PAX8: variants seen among roughly 807,000 people sequenced by gnomAD.
PAX8 encodes the protein paired box 8.
Under a neutral mutation model 52.4 loss-of-function variants are expected in PAX8, and 15 were observed. The ratio of observed to expected loss-of-function variants is 0.29; its 90% CI spans 0.19 to 0.44. The LOEUF is 0.44. Ranked by LOEUF, PAX8 falls within the 20% of genes least tolerant of loss-of-function variation. The pLI is 1.00. For missense variants in PAX8, 554 were observed against 602.5 expected (o/e 0.92, Z 0.84); for synonymous variants, 284 against 249.7 (o/e 1.14, Z -1.29).
At chr2:113,258,364 A>G (rs1053209402) in intron 2 of PAX8, among the ~76,000 whole-genome samples, 2 of 151,660 alleles carry the variant, frequency 1.3e-5, no homozygotes, top group African/African-American at 4.9e-5. Context: ...AGTGTCTCCC[A>G]GTTTCCTTGC....
Position 113,247,251 on chromosome 2 carries a change from G to A in PAX8, c.26-332C>T, listed in dbSNP as rs925012498. On this transcript the variant is annotated intron_variant, in intron 2 of 11. Coordinates refer to ENST00000429538, the MANE Select transcript of PAX8 (RefSeq NM_003466.4). ...CTCTGAAAAGTGTGTAAGGAATTGA[G>A]GATGTGGGGTCTTCCCATACCAATA... 9.2e-5 allele frequency among the ~76,000 whole-genome samples: 14 copies of A among 152,186 alleles called. No homozygotes were observed. In the South Asian group the frequency reaches 2.9e-3, roughly 32 times the overall value.
intron 8 of PAX8, chr2:113,236,387 T>C: frequency 2.3e-6 from 1 of 437,198 alleles, no homozygotes; most frequent in East Asian, 3.8e-5. Flanking sequence ...TGGGCCCACC[T>C]TGAGGCCCGG....
chr2:113,243,767 T>C (rs1294691106), intron 4 of PAX8, among the ~76,000 whole-genome samples: 6 of 152,236 alleles, frequency 3.9e-5, no homozygotes, highest in Non-Finnish European at 7.3e-5. Context: ...CACCTAGTTC[T>C]CTTATTGTTT....
Position 113,216,414 on chromosome 2 carries a change from C to A in PAX8, c.*2119G>T. On this transcript the variant is annotated 3_prime_UTR_variant, in exon 12 of 12. Transcript: ENST00000429538. The stretch of plus-strand genomic sequence containing the variant: ...TCCTCCCAGCCCTGGAGTCCTTGGG[C>A]CCCTTCTATCTGACTCAATCCCAGT... 4.3e-6 allele frequency: 1 copy of A among 231,734 alleles called. No individual in the cohort carries two copies. 14.4% of individuals were successfully genotyped at this position (231,734 alleles called of 1,614,324 possible). A position where few individuals can be genotyped will look rare whatever the true frequency, so the allele number is the denominator to read the frequency against.
rs1180484053 is a variant in PAX8, at chr2:113,241,638, C to T, written c.690G>A (p.Gln230=). 8 of 1,614,012 alleles carry T rather than the reference C, an allele frequency of 5.0e-6. No individual in the cohort carries two copies. Among genetic ancestry groups the T allele is most frequent in the Non-Finnish European group, 6.8e-6 (8 of 1,180,012 alleles). ...GGCACTCGAGCGGCTCGAGGTGGTGCTGGCTGAAGGCATCCGTGCGAAGGT... is the reference window on the plus strand; with the variant it reads ...GGCACTCGAGCGGCTCGAGGTGGTGTTGGCTGAAGGCATCCGTGCGAAGGT... The part of the protein sequence containing the change: ...RKHLRTDAFS[Q]HHLEPLECPF... Residue 230 remains glutamine, a synonymous_variant, in exon 7 of 12, where the codon CAG becomes CAA. Transcript: ENST00000429538.
At chr2:113,226,976 G>A in intron 10 of PAX8, 179 bp downstream of exon 10, 1 of 1,517,254 alleles carries the variant, frequency 6.6e-7, no homozygotes, top group African/African-American at 1.4e-5. Context: ...TAGGGAGTCA[G>A]GACTGCACTG....
rs370594115 is a variant in PAX8, at chr2:113,236,650, C to T, written c.849G>A (p.Thr283=). ...GAGTCGAGAGGTTGCGCCCCAGTGG[C>T]GTGTTGGAAGGGGTCAGGGTGGCCT... ...DGKATLTPSN[T]PLGRNLSTHQ... The change falls in exon 8 of 12, where the codon ACG becomes ACA. Residue 283 remains threonine, a synonymous_variant. Transcript: ENST00000429538. 8.8e-6 allele frequency: 14 copies of T among 1,595,872 alleles called. 1 individual carries two copies. In the East Asian group the frequency reaches 2.9e-4, roughly 34 times the overall value.
intron 10 of PAX8, among the ~76,000 whole-genome samples, chr2:113,224,055 TG>T (rs1689403278): frequency 6.6e-6 from 1 of 151,530 alleles, no homozygotes. Flanking sequence ...GAAAAGGGGA[TG>T]AAAAGATGGA....
intron 2 of PAX8, among the ~76,000 whole-genome samples, chr2:113,260,458 A>G (rs2104562108): frequency 6.6e-6 from 1 of 151,080 alleles, no homozygotes; most frequent in East Asian, 1.9e-4. Context: ...TATAAATGTG[A>G]GTTTAGTGGG....
At chr2:113,226,113 C>T (rs974374819) in intron 10 of PAX8, 5 of 985,422 alleles carry the variant, frequency 5.1e-6, no homozygotes, top group Non-Finnish European at 6.0e-6. Context: ...TCTCTCCCTC[C>T]CTTCCCTCTG....
intron 7 of PAX8, chr2:113,237,483 C>G (rs975837859): frequency 6.6e-6 from 1 of 152,166 alleles, no homozygotes; most frequent in Non-Finnish European, 1.5e-5. Context: ...TTTTCTCTCT[C>G]CACATCCAAA....
chr2:113,259,778 TA>T (rs761614377), intron 2 of PAX8, among the ~76,000 whole-genome samples: 1 of 152,250 alleles, frequency 6.6e-6, no homozygotes, highest in African/African-American at 2.4e-5. Flanking sequence ...GCAGGTTTAC[TA>T]GAGGTCATTC....
chr2:113,277,582 C>G (rs1044663237), intron 2 of PAX8, among the ~76,000 whole-genome samples: 3 of 152,100 alleles, frequency 2.0e-5, no homozygotes, highest in Non-Finnish European at 2.9e-5. Context: ...GCGCCTCCAC[C>G]GCTGTCCGCA....
chr2:113,278,316 ACGGACGCTCAG>A, intron 2 of PAX8, 43 bp downstream of exon 2: 1 of 1,371,304 alleles, frequency 7.3e-7, no homozygotes, highest in Non-Finnish European at 1.0e-6. Flanking sequence ...GAGCGCACGC[ACGGACGCTCAG>A]CGGCGCGGGG....
chr2:113,244,388 G>A (rs781046631), intron 4 of PAX8, 39 bp downstream of exon 4: 1 of 1,537,678 alleles, frequency 6.5e-7, no homozygotes, highest in Non-Finnish European at 9.0e-7. Context: ...CAAAGCCCAG[G>A]GGCCCCAGCC....
chr2:113,242,753 G>A lies in PAX8; in HGVS notation c.415C>T (p.Pro139Ser). ...NRIIRTKVQQ[P>S]FNLPMDSCVA... ...CAGCTGTCCATAGGGAGGTTGAATGGTTGCTGCACTTTGGTCCGGATGATT... is the reference window on the plus strand; with the variant it reads ...CAGCTGTCCATAGGGAGGTTGAATGATTGCTGCACTTTGGTCCGGATGATT... The change falls in exon 5 of 12, where the codon CCA becomes TCA. Residue 139 changes from proline to serine, a missense_variant. Pro to Ser is a moderately conservative substitution (Grantham distance 74, BLOSUM62 -1). Around this residue, in one of 2 missense-constraint regions of PAX8, gnomAD observed 109 missense variants for 192.7 expected, o/e 0.57. Transcript: ENST00000429538. 6.2e-7 allele frequency: 1 copy of A among 1,613,940 alleles called. No individual in the cohort carries two copies. Among genetic ancestry groups the A allele is most frequent in the Non-Finnish European group, 8.5e-7 (1 of 1,179,828 alleles).
At chr2:113,220,015 A>G (rs1442196807) in intron 11 of PAX8, 77 bp downstream of exon 11, 1 of 1,009,588 alleles carries the variant, frequency 9.9e-7, no homozygotes, top group Non-Finnish European at 1.5e-6. Flanking sequence ...GCTTTCAGGT[A>G]ACCTTTGACC....
chr2:113,226,094 C>T (rs1277710362), intron 10 of PAX8: 26 of 985,540 alleles, frequency 2.6e-5, no homozygotes, highest in Non-Finnish European at 3.1e-5. Context: ...GCATTTCTCC[C>T]TCCCTCTTTC....
chr2:113,245,755 C>T (rs1245332534), intron 3 of PAX8, among the ~76,000 whole-genome samples: 1 of 152,212 alleles, frequency 6.6e-6, no homozygotes, highest in Non-Finnish European at 1.5e-5. Flanking sequence ...TCTGTTACTT[C>T]CATCCAGGAC....
Sources: gnomAD v4.1 joint callset for allele counts (sites outside exome capture counted in the v4.1 genomes callset) on GRCh38, gnomAD v4.1.1 for gene constraint, gnomAD v4.1.1 regional missense constraint, MANE v1.5 for transcripts, NCBI Gene and HGNC (gene_info 2026-07-23, HGNC 2026-07-21) for gene names.